CCDC141: variants seen among roughly 807,000 people sequenced by gnomAD.
The protein encoded by CCDC141 is coiled-coil domain containing 141.
Under a neutral mutation model 181.0 loss-of-function variants are expected in CCDC141, and 168 were observed. The ratio of observed to expected loss-of-function variants is 0.93; its 90% CI spans 0.82 to 1.05. The LOEUF (loss-of-function observed/expected upper bound fraction) is 1.05. Among genes scored for constraint, CCDC141 ranks in the 50% least tolerant of loss-of-function variants. The probability of loss-of-function intolerance (pLI) is 0.00; values close to 1 mark genes in which losing one functional copy is unlikely to be tolerated. For missense variants in CCDC141, 1,902 were observed against 1,788.5 expected (o/e 1.06, Z -1.14); for synonymous variants, 666 against 642.3 (o/e 1.04, Z -0.56).
At chr2:178,870,472 A>T (rs1686067928) in intron 14 of CCDC141, among the ~76,000 whole-genome samples, 2 of 152,170 alleles carry the variant, frequency 1.3e-5, no homozygotes, top group Non-Finnish European at 2.9e-5. Flanking sequence ...AGAGGAACTT[A>T]CACGTACATG....
At chr2:179,020,189 G>GT (rs111810334) in intron 2 of CCDC141, among the ~76,000 whole-genome samples, 7 of 152,016 alleles carry the variant, frequency 4.6e-5, no homozygotes, top group African/African-American at 7.2e-5. Context: ...CAGGTGTGTG[G>GT]TTTTTTTTCT....
chr2:179,040,118 T>C (rs2043255342), intron 2 of CCDC141, among the ~76,000 whole-genome samples: 1 of 152,140 alleles, frequency 6.6e-6, no homozygotes, highest in Admixed American at 6.5e-5. Context: ...AGGTAAAAGA[T>C]CTTTTGGTTT....
At chr2:178,903,312 G>T (rs184546090) in intron 8 of CCDC141, among the ~76,000 whole-genome samples, 435 of 151,926 alleles carry the variant, frequency 2.9e-3, no homozygotes, top group African/African-American at 9.5e-3. Context: ...GCACACGTAT[G>T]TTTACTGTGG....
intron 11 of CCDC141, among the ~76,000 whole-genome samples, chr2:178,880,966 G>C (rs1686575939): frequency 6.6e-6 from 1 of 152,170 alleles, no homozygotes; most frequent in Admixed American, 6.5e-5. Context: ...GGAAAGCATT[G>C]GTTTGGAGCT....
chr2:178,991,423 C>G (rs1692048120), intron 2 of CCDC141, among the ~76,000 whole-genome samples: 1 of 141,590 alleles, frequency 7.1e-6, no homozygotes, highest in Admixed American at 6.8e-5. Flanking sequence ...AATTTTGTCT[C>G]TTCAAAATTT....
At chr2:178,816,873 G>A in the CCDC141 span, among the ~76,000 whole-genome samples, 1 of 152,134 alleles carries the variant, frequency 6.6e-6, no homozygotes, top group Non-Finnish European at 1.5e-5. Context: ...GGTAGACCAG[G>A]CTCATTCCCT....
intron 2 of CCDC141, among the ~76,000 whole-genome samples, chr2:179,043,145 A>G (rs1210188396): frequency 3.3e-5 from 5 of 152,192 alleles, no homozygotes; most frequent in Non-Finnish European, 5.9e-5. Flanking sequence ...ATTCCTGGAC[A>G]CATGTACCCT....
chr2:178,986,063 C>T (rs1338355916), intron 2 of CCDC141, among the ~76,000 whole-genome samples: 16 of 152,106 alleles, frequency 1.1e-4, no homozygotes, highest in Admixed American at 9.8e-4. Context: ...ATGCAAAAAT[C>T]CTCAATAAAA....
downstream of CCDC141, among the ~76,000 whole-genome samples, chr2:178,826,607 G>T (rs1684128980): frequency 6.6e-6 from 1 of 152,054 alleles, no homozygotes. Flanking sequence ...ATCTCTAACA[G>T]ATAAAGGGCT....
intron 2 of CCDC141, among the ~76,000 whole-genome samples, chr2:178,987,734 G>A (rs900607082): frequency 6.6e-6 from 1 of 150,518 alleles, no homozygotes; most frequent in African/African-American, 2.5e-5. Flanking sequence ...ACCATCACTG[G>A]CCATCAGAGA....
At chr2:178,868,422 G>C (rs1193433351) in intron 15 of CCDC141, among the ~76,000 whole-genome samples, 1 of 152,078 alleles carries the variant, frequency 6.6e-6, no homozygotes, top group East Asian at 1.9e-4. Context: ...GAAGGAAACA[G>C]TCTTTTTGGT....
rs562908681 is a variant in CCDC141 at position 178,842,733 on chromosome 2, A to C, written c.3474+2893T>G. Among the ~76,000 whole-genome samples, 3 of 152,378 alleles carry C rather than the reference A, an allele frequency of 2.0e-5. No homozygotes were observed. The East Asian group carries it at 5.8e-4, about 29-fold the overall frequency. ...ATGAAAGTAAGTAGGAAGAACACAA[A>C]GGAAGATATTAAGCATAGGACTTGG... On this transcript the variant is annotated intron_variant, in intron 22 of 23. Coordinates refer to ENST00000443758, the MANE Select transcript of CCDC141 (RefSeq NM_173648.4).
chr2:178,837,162 T>C lies in CCDC141; in HGVS notation c.4057A>G (p.Asn1353Asp). Reference sequence around the variant, plus strand: ...CTATCTTGGGTTTTAGTGAAGTTATTATCAGCATGCATTTTCTCCCGTGTT... The same window carrying C: ...CTATCTTGGGTTTTAGTGAAGTTATCATCAGCATGCATTTTCTCCCGTGTT... ...LETREKMHAD[N>D]NFTKTQDRLH... Residue 1353 changes from asparagine (N) to aspartate (D), a missense_variant, in exon 23 of 24, where the codon AAT (asparagine) becomes GAT (aspartate). Coordinates refer to ENST00000443758, the MANE Select transcript of CCDC141 (RefSeq NM_173648.4). 1 of 1,613,966 alleles carries C rather than the reference T, an allele frequency of 6.2e-7. No homozygotes were observed. The highest frequency in any genetic ancestry group is 1.3e-5 in the African/African-American group (1 of 75,050).
intron 6 of CCDC141, among the ~76,000 whole-genome samples, chr2:178,931,541 T>C (rs1266332650): frequency 6.6e-6 from 1 of 152,040 alleles, no homozygotes; most frequent in Non-Finnish European, 1.5e-5. Flanking sequence ...CTGAAAAACA[T>C]GCAAAGTGAA....
intron 2 of CCDC141, among the ~76,000 whole-genome samples, chr2:179,036,896 T>C (rs1264288204): frequency 1.3e-5 from 2 of 152,366 alleles, no homozygotes; most frequent in Admixed American, 6.5e-5. Context: ...CTGAATCAAC[T>C]GAGAAATAGA....
intron 6 of CCDC141, among the ~76,000 whole-genome samples, chr2:178,939,409 G>A (rs767629535): frequency 6.6e-6 from 1 of 152,098 alleles, no homozygotes; most frequent in Non-Finnish European, 1.5e-5. Flanking sequence ...CAATAAGGTT[G>A]GATGCCATAG....
At chr2:178,961,093 G>A (rs1690375737) in intron 5 of CCDC141, 137 bp downstream of exon 5, 3 of 879,116 alleles carry the variant, frequency 3.4e-6, no homozygotes, top group African/African-American at 3.5e-5. Context: ...CAACATGGTA[G>A]TTTGGATGAA....
intron 22 of CCDC141, among the ~76,000 whole-genome samples, chr2:178,844,061 T>C (rs1360641355): frequency 6.6e-6 from 1 of 152,214 alleles, no homozygotes; most frequent in African/African-American, 2.4e-5. Context: ...GGAATCTGTT[T>C]CTTCTAACAA....
chr2:178,900,301 A>G (rs1170090387), intron 8 of CCDC141, among the ~76,000 whole-genome samples: 1 of 152,122 alleles, frequency 6.6e-6, no homozygotes, highest in African/African-American at 2.4e-5. Flanking sequence ...TTGAAAAACA[A>G]TAATTATGTA....
Sources: allele counts gnomAD v4.1 joint callset (sites outside exome capture counted in the v4.1 genomes callset), GRCh38; gene constraint gnomAD v4.1.1; transcripts MANE v1.5; gene names NCBI Gene and HGNC (gene_info 2026-07-23, HGNC 2026-07-21).